Variants in LRRTM4 observed in about 807,000 individuals in gnomAD.
LRRTM4 encodes the protein leucine rich repeat transmembrane neuronal 4.
In LRRTM4, 25 loss-of-function variants were observed where a neutral mutation model predicts 47.6. The ratio of observed to expected loss-of-function variants is 0.53; its 90% CI spans 0.38 to 0.73. The LOEUF is 0.73. Ranked by LOEUF, LRRTM4 falls within the 30% of genes least tolerant of loss-of-function variation. LRRTM4 has a pLI of 0.00. For synonymous variants in LRRTM4, 311 were observed against 269.5 expected (o/e 1.15, Z -1.51); for missense variants, 638 against 713.4 (o/e 0.89, Z 1.20).
chr2:77,088,274 C>G (rs28666378), intron 3 of LRRTM4, among the ~76,000 whole-genome samples: 27,104 of 151,940 alleles, frequency 0.18, 3,731 homozygotes, highest in East Asian at 0.42. Context: ...GTGACTTGCA[C>G]GTATACGCCC....
chr2:76,837,749 T>C (rs1573190839), intron 3 of LRRTM4, among the ~76,000 whole-genome samples: 1 of 152,108 alleles, frequency 6.6e-6, no homozygotes, highest in African/African-American at 2.4e-5. Flanking sequence ...TGGAATACTA[T>C]GCAGCCACAA....
intron 3 of LRRTM4, among the ~76,000 whole-genome samples, chr2:77,196,713 T>C (rs1673836767): frequency 6.6e-6 from 1 of 152,116 alleles, no homozygotes; most frequent in Non-Finnish European, 1.5e-5. Context: ...TGCAATCCAG[T>C]TTGGATGACA....
chr2:76,771,635 T>C (rs1272983175), intron 3 of LRRTM4, among the ~76,000 whole-genome samples: 2 of 120,680 alleles, frequency 1.7e-5, no homozygotes, highest in Non-Finnish European at 3.3e-5. Flanking sequence ...TCTTGCCAGG[T>C]GAACAGAAAA....
intron 3 of LRRTM4, among the ~76,000 whole-genome samples, chr2:77,138,784 A>C (rs1672027137): frequency 6.6e-6 from 1 of 152,106 alleles, no homozygotes; most frequent in South Asian, 2.1e-4. Flanking sequence ...AAAATGATAA[A>C]GGGGATATCA....
chr2:77,070,890 T>A (rs1344752109), intron 3 of LRRTM4, among the ~76,000 whole-genome samples: 2 of 152,152 alleles, frequency 1.3e-5, no homozygotes, highest in Non-Finnish European at 2.9e-5. Context: ...AGTGCTGGGA[T>A]TACAGGTGTG....
intron 3 of LRRTM4, among the ~76,000 whole-genome samples, chr2:77,135,938 T>C (rs1038195288): frequency 7.2e-5 from 11 of 152,260 alleles, no homozygotes; most frequent in Non-Finnish European, 7.4e-5. Context: ...ACTTTATAAA[T>C]TGTTTTCATA....
At chr2:77,463,361 G>T (rs1345477037) in intron 3 of LRRTM4, among the ~76,000 whole-genome samples, 1 of 152,038 alleles carries the variant, frequency 6.6e-6, no homozygotes, top group Non-Finnish European at 1.5e-5. Flanking sequence ...TTCTTTCAAT[G>T]TCAAGGTATT....
intron 3 of LRRTM4, among the ~76,000 whole-genome samples, chr2:76,980,664 T>C (rs1676572657): frequency 6.6e-6 from 1 of 150,872 alleles, no homozygotes; most frequent in East Asian, 2.0e-4. Context: ...AGCAGTGGGG[T>C]GGGGTGGGGT....
At chr2:76,975,477 A>C (rs979515880) in intron 3 of LRRTM4, among the ~76,000 whole-genome samples, 1 of 151,624 alleles carries the variant, frequency 6.6e-6, no homozygotes, top group African/African-American at 2.4e-5. Flanking sequence ...TTTACAGAAA[A>C]GATAAACAAC....
At chr2:77,212,568 C>G (rs1317716522) in intron 3 of LRRTM4, among the ~76,000 whole-genome samples, 1 of 146,522 alleles carries the variant, frequency 6.8e-6, no homozygotes, top group African/African-American at 2.6e-5. Context: ...TATATATATT[C>G]TCTCTCTATA....
intron 3 of LRRTM4, among the ~76,000 whole-genome samples, chr2:76,801,392 T>G (rs1675671765): frequency 6.6e-6 from 1 of 152,070 alleles, no homozygotes; most frequent in Non-Finnish European, 1.5e-5. Context: ...GAAATCATCA[T>G]TCTCAGTAAA....
intron 3 of LRRTM4, among the ~76,000 whole-genome samples, chr2:76,827,156 C>G (rs1049258213): frequency 1.3e-5 from 2 of 151,770 alleles, no homozygotes; most frequent in Admixed American, 1.3e-4. Flanking sequence ...AGATAATGTG[C>G]TGGCCACACT....
intron 3 of LRRTM4, among the ~76,000 whole-genome samples, chr2:77,019,707 A>G (rs952198313): frequency 1.3e-5 from 2 of 152,132 alleles, no homozygotes; most frequent in African/African-American, 4.8e-5. Context: ...AAGACAGACT[A>G]AACTTGGTTA....
chr2:77,118,928 G>A (rs922761604), intron 3 of LRRTM4, among the ~76,000 whole-genome samples: 4 of 151,880 alleles, frequency 2.6e-5, no homozygotes, highest in South Asian at 2.1e-4. Context: ...ATTATGCTGC[G>A]ATAACATATG....
intron 3 of LRRTM4, among the ~76,000 whole-genome samples, chr2:76,828,477 CTT>C (rs1438427357): frequency 6.6e-6 from 1 of 151,922 alleles, no homozygotes; most frequent in Non-Finnish European, 1.5e-5. Context: ...AATGGTGACA[CTT>C]GTAACGAAAG....
At chr2:76,749,994 T>C (rs1359085789) in intron 3 of LRRTM4, among the ~76,000 whole-genome samples, 1 of 152,208 alleles carries the variant, frequency 6.6e-6, no homozygotes, top group Non-Finnish European at 1.5e-5. Flanking sequence ...TTTAGGATGC[T>C]GAGGTTTGGA....
chr2:77,358,981 TGAAA>T (rs1238716498), intron 3 of LRRTM4, among the ~76,000 whole-genome samples: 6 of 152,198 alleles, frequency 3.9e-5, no homozygotes, highest in African/African-American at 1.4e-4. Flanking sequence ...TATTGAATGA[TGAAA>T]GAATTTTACA....
Position 77,287,138 on chromosome 2 carries a change from C to A in LRRTM4, c.1551+231180G>T, listed in dbSNP as rs145139509. On this transcript the variant is annotated intron_variant, in intron 3 of 3. Transcript: ENST00000409884. ...GGGTGTGGAAATGTGGGTTACACAA[C>A]GCAGCATCTCTGCATAGGTAAGCCC... 4.8e-3 allele frequency among the ~76,000 whole-genome samples: 726 copies of A among 152,042 alleles called. 4 individuals are homozygous for A. The highest frequency in any genetic ancestry group is 7.8e-3 in the Non-Finnish European group (529 of 67,982).
At chr2:77,014,836 CT>C (rs1275144976) in intron 3 of LRRTM4, among the ~76,000 whole-genome samples, 1 of 151,794 alleles carries the variant, frequency 6.6e-6, no homozygotes, top group Non-Finnish European at 1.5e-5. Context: ...ATAAATATTA[CT>C]TTTAGTGACA....
Sources: gnomAD v4.1 joint callset for allele counts (sites outside exome capture counted in the v4.1 genomes callset) on GRCh38, gnomAD v4.1.1 for gene constraint, MANE v1.5 for transcripts, NCBI Gene and HGNC (gene_info 2026-07-23, HGNC 2026-07-21) for gene names.